PCDHA1: variants seen among roughly 807,000 people sequenced by gnomAD.
The protein encoded by PCDHA1 is protocadherin alpha 1.
PCDHA1 carries 42 observed loss-of-function variants against 61.3 expected under a neutral mutation model. The observed-to-expected ratio is 0.69, with a 90% confidence interval of 0.54 to 0.89. The LOEUF (loss-of-function observed/expected upper bound fraction) is 0.89. Among genes scored for constraint, PCDHA1 ranks in the 40% least tolerant of loss-of-function variants. The pLI, the probability that PCDHA1 is intolerant of heterozygous loss-of-function variation, is 0.00. For missense variants in PCDHA1, 1,256 were observed against 1,235.3 expected (o/e 1.02, Z -0.25); for synonymous variants, 610 against 553.8 (o/e 1.10, Z -1.43).
chr5:141,002,166 G>A (rs1212034616), intron 3 of PCDHA1, among the ~76,000 whole-genome samples: 1 of 152,234 alleles, frequency 6.6e-6, no homozygotes, highest in Non-Finnish European at 1.5e-5. Context: ...TGGGCGGTAG[G>A]CAGGCTCCAG....
intron 1 of PCDHA1, among the ~76,000 whole-genome samples, chr5:140,906,069 T>C (rs2072342341): frequency 6.6e-6 from 1 of 152,204 alleles, no homozygotes; most frequent in African/African-American, 2.4e-5. Flanking sequence ...GCTGATTAGA[T>C]CGCACCCACC....
intron 3 of PCDHA1, among the ~76,000 whole-genome samples, chr5:140,983,914 AGGATT>A (rs1327360241): frequency 6.6e-6 from 1 of 152,244 alleles, no homozygotes; most frequent in Non-Finnish European, 1.5e-5. Flanking sequence ...CTAATCAGCC[AGGATT>A]TGCTATTTAT....
chr5:140,851,595 G>C (rs1470017891), intron 1 of PCDHA1: 1 of 919,210 alleles, frequency 1.1e-6, no homozygotes, highest in South Asian at 5.0e-5. Context: ...TTGAAATTCA[G>C]TTTACAGAAA....
chr5:140,938,485 T>C (rs2092087482), intron 1 of PCDHA1, among the ~76,000 whole-genome samples: 2 of 152,170 alleles, frequency 1.3e-5, no homozygotes, highest in African/African-American at 4.8e-5. Context: ...TTAAAAATCA[T>C]GAATAGGCAT....
rs2150225607 is a variant in PCDHA1 at position 140,834,757 on chromosome 5, A to T, written c.2394+46073A>T. 6 of 1,614,016 alleles carry T rather than the reference A, an allele frequency of 3.7e-6. No individual in the cohort carries two copies. The African/African-American group carries it at 6.7e-5, about 18-fold the overall frequency. On this transcript the variant is annotated intron_variant, in intron 1 of 3. Coordinates refer to ENST00000504120, the MANE Select transcript of PCDHA1 (RefSeq NM_018900.4). ...TTCCATGTGGACGTGGAGGTGAAGG[A>T]CATTAACGACAACCCTCCGGTGTTC...
At chr5:140,843,896 T>C in intron 1 of PCDHA1, 2 of 663,756 alleles carry the variant, frequency 3.0e-6, no homozygotes, top group East Asian at 5.6e-5. Context: ...TATTAATCAT[T>C]CTCCACAAGT....
rs549701659 is a variant in PCDHA1 at position 140,937,333 on chromosome 5, G to C, written c.2395-41616G>C. On this transcript the variant is annotated intron_variant, in intron 1 of 3. Transcript: ENST00000504120. ...ATTACAGGCGTGAGCCACCGCGCCCGGCTTCTTCCATTTATTTTATTATTT... is the reference window on the plus strand; with the variant it reads ...ATTACAGGCGTGAGCCACCGCGCCCCGCTTCTTCCATTTATTTTATTATTT... Among the ~76,000 whole-genome samples the C allele has an allele frequency of 2.8e-3, 423 of 151,952 alleles. 2 individuals carry two copies. Among genetic ancestry groups the C allele is most frequent in the Middle Eastern group, 0.014 (4 of 294 alleles).
At chr5:140,869,721 G>A (rs1554163371) in intron 1 of PCDHA1, 2 of 1,613,340 alleles carry the variant, frequency 1.2e-6, no homozygotes, top group Non-Finnish European at 1.7e-6. Flanking sequence ...AGAAAACTCC[G>A]GAACTTAATT....
intron 1 of PCDHA1, among the ~76,000 whole-genome samples, chr5:140,963,991 A>G (rs1232646749): frequency 1.3e-5 from 2 of 152,190 alleles, no homozygotes; most frequent in Admixed American, 6.5e-5. Context: ...ATTCCTAATT[A>G]CTGTGTTCTA....
chr5:140,961,638 A>G (rs1428621389), intron 1 of PCDHA1, among the ~76,000 whole-genome samples: 1 of 152,200 alleles, frequency 6.6e-6, no homozygotes, highest in Non-Finnish European at 1.5e-5. Flanking sequence ...AACAATCTTA[A>G]GTCTATGTGG....
At chr5:141,000,950 T>C (rs781867970) in intron 3 of PCDHA1, among the ~76,000 whole-genome samples, 2 of 152,214 alleles carry the variant, frequency 1.3e-5, no homozygotes, top group Non-Finnish European at 2.9e-5. Flanking sequence ...ATTATCTTGC[T>C]GTAATTTAAG....
chr5:140,967,043 G>T (rs1477679213), intron 1 of PCDHA1: 2 of 1,611,990 alleles, frequency 1.2e-6, no homozygotes, highest in African/African-American at 2.7e-5. Context: ...CCTGGAGCTG[G>T]ACCTGACGAG....
intron 1 of PCDHA1, chr5:140,802,965 G>A (rs577958641): frequency 6.2e-7 from 1 of 1,613,992 alleles, no homozygotes; most frequent in African/African-American, 1.3e-5. Context: ...TGCGGGCCAC[G>A]TGGTAGCGAA....
At chr5:140,929,113 A>G (rs1554206696) in intron 1 of PCDHA1, 5 of 1,614,154 alleles carry the variant, frequency 3.1e-6, no homozygotes, top group East Asian at 2.2e-5. Flanking sequence ...GACATCAGCC[A>G]CCATAGATGT....
intron 1 of PCDHA1, chr5:140,869,955 T>G: frequency 2.5e-6 from 4 of 1,612,860 alleles, no homozygotes; most frequent in Non-Finnish European, 3.4e-6. Flanking sequence ...TAATGTCAAT[T>G]AAGCCCAATG....
intron 1 of PCDHA1, among the ~76,000 whole-genome samples, chr5:140,886,040 C>T (rs533442744): frequency 9.2e-5 from 14 of 152,118 alleles, no homozygotes; most frequent in Non-Finnish European, 1.9e-4. Context: ...AAGTTTTCCC[C>T]AATAGTAACA....
intron 1 of PCDHA1, chr5:140,813,054 C>T (rs1554126104): frequency 6.6e-6 from 1 of 152,090 alleles, no homozygotes; most frequent in Non-Finnish European, 1.5e-5. Context: ...GTTTTGTGAC[C>T]TGACGTGTGA....
At chr5:140,886,288 A>G (rs1227734409) in intron 1 of PCDHA1, among the ~76,000 whole-genome samples, 4 of 151,870 alleles carry the variant, frequency 2.6e-5, no homozygotes, top group Middle Eastern at 3.2e-3. Flanking sequence ...AATTATTTTT[A>G]TATTTATTTA....
chr5:140,801,908 C>T (rs1554121759), intron 1 of PCDHA1: 2 of 1,614,202 alleles, frequency 1.2e-6, no homozygotes, highest in Non-Finnish European at 8.5e-7. Context: ...ATGTAAACGA[C>T]AACGCCCCAG....
Sources: allele counts gnomAD v4.1 joint callset (sites outside exome capture counted in the v4.1 genomes callset), GRCh38; gene constraint gnomAD v4.1.1; transcripts MANE v1.5; gene names NCBI Gene and HGNC (gene_info 2026-07-23, HGNC 2026-07-21).